The following GOLGB1 variants were observed in gnomAD, a reference collection of about 807,000 sequenced individuals.
GOLGB1 encodes golgin subfamily B member 1.
GOLGB1 carries 174 observed loss-of-function variants against 336.9 expected under a neutral mutation model. The ratio of observed to expected loss-of-function variants is 0.52; its 90% confidence interval spans 0.46 to 0.59. The LOEUF (loss-of-function observed/expected upper bound fraction) is 0.59. GOLGB1 is among the 20% of genes least tolerant of loss of function. The pLI is 0.00. For missense variants in GOLGB1, 3,331 were observed against 3,645.3 expected, an observed-to-expected ratio of 0.91 and a Z score of 2.22; for synonymous variants, 1,208 against 1,289.2, an observed-to-expected ratio of 0.94 and a Z score of 1.35.
rs1373984871 is a variant in GOLGB1 at position 121,695,067 on chromosome 3, G to A, written c.5456C>T (p.Ser1819Leu). 45 of 1,613,944 alleles carry A rather than the reference G, an allele frequency of 2.8e-5. No individual in the cohort carries two copies. The highest frequency in any genetic ancestry group is 1.6e-4 in the Middle Eastern group (1 of 6,062). Residue 1819 changes from serine (S) to leucine (L), a missense_variant, in exon 13 of 22, where the codon TCG (serine) becomes TTG (leucine). By Grantham distance (145) the Ser-to-Leu change is moderately radical (BLOSUM62 -2). Coordinates refer to ENST00000614479, the MANE Select transcript of GOLGB1 (RefSeq NM_001366282.2). ...GTTGGCACTCTTCGCTGATGGAACC[G>A]ATTCTGAACATGTAGGTCTTGTGCT... Reference protein sequence around the residue: ...SMSTRPTCSESVPSAKSANPA... With the variant: ...SMSTRPTCSELVPSAKSANPA...
At chr3:121,746,487 T>C (rs1947293310) in intron 1 of GOLGB1, among the ~76,000 whole-genome samples, 2 of 150,886 alleles carry the variant, frequency 1.3e-5, no homozygotes, top group Non-Finnish European at 3.0e-5. Context: ...ATTTATTTAA[T>C]GTTATTTATT....
rs150519633 is a variant in GOLGB1, at chr3:121,716,765, C to G, written c.1260G>C (p.Gln420His). 2 of 1,613,512 alleles carry G rather than the reference C, an allele frequency of 1.2e-6. No homozygotes were observed. Among genetic ancestry groups the G allele is most frequent in the South Asian group, 2.2e-5 (2 of 91,042 alleles). Residue 420 changes from glutamine to histidine, a missense_variant, in exon 9 of 22, where the codon CAG (glutamine) becomes CAC (histidine). Transcript: ENST00000614479. ...CCAGTTGCTGAATGGTCTGGGCTGACTGAACTGCTTGCTCATTCTTATCTT... is the reference window on the plus strand; with the variant it reads ...CCAGTTGCTGAATGGTCTGGGCTGAGTGAACTGCTTGCTCATTCTTATCTT... ...LLQDKNEQAV[Q>H]SAQTIQQLED...
intron 1 of GOLGB1, among the ~76,000 whole-genome samples, chr3:121,748,424 T>C (rs907909518): frequency 4.0e-5 from 6 of 151,784 alleles, no homozygotes; most frequent in Non-Finnish European, 8.8e-5. Context: ...GCTGCTGAGG[T>C]AGTAAAAAAT....
chr3:121,708,082 C>T (rs1457694060), intron 10 of GOLGB1, among the ~76,000 whole-genome samples: 2 of 152,132 alleles, frequency 1.3e-5, no homozygotes, highest in Non-Finnish European at 2.9e-5. Flanking sequence ...TTACAACATA[C>T]TCAACAATAC....
chr3:121,722,288 G>C lies in GOLGB1; in HGVS notation c.622C>G (p.Gln208Glu), dbSNP rs867956337. ...TGTGCAGCTTGCTCTGCCTGTGTCT[G>C]GCTGAGCTGGGCTTGTAAAGTGCTA... ...FISTLQAQLS[Q>E]TQAEQAAQLS... is the part of the protein sequence containing the mutation. The change falls in exon 6 of 22, where the codon CAG becomes GAG. Residue 208 changes from glutamine to glutamate, a missense_variant. Physicochemically the swap from Gln to Glu is conservative, Grantham distance 29. Coordinates refer to ENST00000614479, the MANE Select transcript of GOLGB1 (RefSeq NM_001366282.2). The C allele has an allele frequency of 6.2e-7, 1 of 1,610,090 alleles. No individual in the cohort carries two copies. The highest frequency in any genetic ancestry group is 8.5e-7 in the Non-Finnish European group (1 of 1,176,414).
intron 11 of GOLGB1, among the ~76,000 whole-genome samples, chr3:121,701,283 T>C (rs190001081): frequency 2.0e-5 from 3 of 152,280 alleles, no homozygotes; most frequent in Admixed American, 1.3e-4. Context: ...GGATACAGAC[T>C]GTTTGCAAAA....
chr3:121,746,018 T>G (rs1339213630), intron 1 of GOLGB1, among the ~76,000 whole-genome samples: 1 of 152,176 alleles, frequency 6.6e-6, no homozygotes, highest in South Asian at 2.1e-4. Flanking sequence ...CACAGGAAAA[T>G]AAGCAAAATA....
chr3:121,695,575 CTT>C lies in GOLGB1; in HGVS notation c.4946_4947del (p.Gln1649ArgfsTer24). ...HVVEAVRQEKQELYGKLRSTE... is the reference protein window; with the variant it reads ...HVVEAVRQEKXELYGKLRSTE... ...GTGCTTCTTAACTTGCCATACAGTTCTTGTTTCTCTTGCCTCACAGCTTCCAC... is the reference window on the plus strand; with the variant it reads ...GTGCTTCTTAACTTGCCATACAGTTCGTTTCTCTTGCCTCACAGCTTCCAC... On this transcript the variant is annotated frameshift_variant, in exon 13 of 22. Coordinates refer to ENST00000614479, the MANE Select transcript of GOLGB1 (RefSeq NM_001366282.2). LOFTEE classifies it high-confidence loss of function. 1.2e-6 allele frequency: 2 copies of C among 1,614,072 alleles called. No homozygotes were observed. Among genetic ancestry groups the C allele is most frequent in the Non-Finnish European group, 1.7e-6 (2 of 1,180,018 alleles).
At chr3:121,674,049 AT>A (rs1939975476) in intron 17 of GOLGB1, among the ~76,000 whole-genome samples, 1 of 152,060 alleles carries the variant, frequency 6.6e-6, no homozygotes, top group Non-Finnish European at 1.5e-5. Context: ...TCTTTTCCAG[AT>A]TGTTTGCTGT....
chr3:121,704,904 A>T (rs1044940417), intron 10 of GOLGB1, among the ~76,000 whole-genome samples: 11 of 152,184 alleles, frequency 7.2e-5, no homozygotes, highest in African/African-American at 2.6e-4. Flanking sequence ...AACTAAGAAA[A>T]TTTTTTCACA....
intron 14 of GOLGB1, among the ~76,000 whole-genome samples, chr3:121,688,210 T>C (rs1168268420): frequency 6.6e-6 from 1 of 152,156 alleles, no homozygotes; most frequent in Non-Finnish European, 1.5e-5. Flanking sequence ...TCTCCCTCTC[T>C]TTCCACGGTC....
At chr3:121,736,953 A>G (rs376697995) in intron 1 of GOLGB1, among the ~76,000 whole-genome samples, 38 of 152,312 alleles carry the variant, frequency 2.5e-4, no homozygotes, top group African/African-American at 9.1e-4. Flanking sequence ...TTAGGTTCTG[A>G]AACACAATAA....
chr3:121,689,325 G>T (rs1356531192), intron 14 of GOLGB1, among the ~76,000 whole-genome samples: 1 of 152,182 alleles, frequency 6.6e-6, no homozygotes, highest in Admixed American at 6.5e-5. Context: ...CTTCGGCCTT[G>T]GGATCCTGTT....
intron 4 of GOLGB1, 113 bp from the exon 5 acceptor site, chr3:121,727,154 A>T: frequency 5.2e-6 from 3 of 579,634 alleles, no homozygotes; most frequent in Non-Finnish European, 7.9e-6. Context: ...TATTAAACTG[A>T]TGGGAGCAAG....
At chr3:121,686,630 G>T (rs1941758906) in intron 14 of GOLGB1, among the ~76,000 whole-genome samples, 1 of 149,706 alleles carries the variant, frequency 6.7e-6, no homozygotes, top group South Asian at 2.1e-4. Context: ...ATCTAATTGG[G>T]GAAATAAAAA....
rs375054356 is a variant in GOLGB1, at chr3:121,719,743, C to T, written c.674G>A (p.Arg225Gln). The change falls in exon 7 of 22, where the codon CGA becomes CAA. Residue 225 changes from arginine to glutamine, a missense_variant. By Grantham distance (43) the Arg-to-Gln change is conservative. Transcript: ENST00000614479. ...AQLSSMQQVV[R>Q]EKDARFETQV... Reference sequence around the variant, plus strand: ...TGTTTCAAAGCGGGCATCTTTCTCTCGGACCACCTGCTGCATGGAACTCAA... The same window carrying T: ...TGTTTCAAAGCGGGCATCTTTCTCTTGGACCACCTGCTGCATGGAACTCAA... 86 of 1,606,822 alleles carry T rather than the reference C, an allele frequency of 5.4e-5. No homozygotes were observed. Among genetic ancestry groups the T allele is most frequent in the Admixed American group, 2.0e-4 (12 of 59,230 alleles).
At chr3:121,705,482 G>A (rs9810055) in intron 10 of GOLGB1, among the ~76,000 whole-genome samples, 1,975 of 152,294 alleles carry the variant, frequency 0.013, 41 homozygotes, top group African/African-American at 0.044. Flanking sequence ...AAAACAAAGT[G>A]ATCCCTAAAA....
At position 121,664,131 on chromosome 3, in the gene GOLGB1, A is replaced by C. The variant is rs1386510329; in HGVS notation, c.*349T>G. ...AACTTCAGATTATTAGGTTTATTGAAACCATCCTCTTGGCTTGGCTGAAAG... is the reference window on the plus strand; with the variant it reads ...AACTTCAGATTATTAGGTTTATTGACACCATCCTCTTGGCTTGGCTGAAAG... On this transcript the variant is annotated 3_prime_UTR_variant, in exon 22 of 22. Coordinates refer to ENST00000614479, the MANE Select transcript of GOLGB1 (RefSeq NM_001366282.2). 4.1e-6 allele frequency: 1 copy of C among 241,196 alleles called. No homozygotes were observed. The highest frequency in any genetic ancestry group is 8.2e-6 in the Non-Finnish European group (1 of 122,392). The allele number at this position is 241,196 out of a possible 1,614,324, so 14.9% of individuals were successfully genotyped here.
chr3:121,717,512 T>C (rs916335828), intron 8 of GOLGB1, among the ~76,000 whole-genome samples: 1 of 152,150 alleles, frequency 6.6e-6, no homozygotes, highest in African/African-American at 2.4e-5. Context: ...AGAATTAACA[T>C]ACTAGAGAAG....
Sources: allele counts gnomAD v4.1 joint callset (sites outside exome capture counted in the v4.1 genomes callset), GRCh38; gene constraint gnomAD v4.1.1; transcripts MANE v1.5; gene names NCBI Gene and HGNC (gene_info 2026-07-23, HGNC 2026-07-21).